DLG2: variants seen among roughly 807,000 people sequenced by gnomAD.
The protein encoded by DLG2 is disks large homolog 2.
In DLG2, 45 loss-of-function variants were observed where a neutral mutation model predicts 132.5. The observed-to-expected ratio is 0.34, with a 90% CI of 0.27 to 0.44. The LOEUF is 0.44. Ranked by LOEUF, DLG2 falls within the 20% of genes least tolerant of loss-of-function variation. The pLI is 1.00. For missense variants in DLG2, 1,045 were observed against 1,196.9 expected (o/e 0.87, Z 1.87); for synonymous variants, 424 against 419.6 (o/e 1.01, Z -0.13).
intron 19 of DLG2, among the ~76,000 whole-genome samples, chr11:83,630,112 T>C (rs1383211713): frequency 6.6e-6 from 1 of 152,104 alleles, no homozygotes; most frequent in Non-Finnish European, 1.5e-5. Flanking sequence ...AAAAAAAGTA[T>C]AACTAGATTA....
At chr11:83,778,546 T>C (rs1015799243) in intron 18 of DLG2, among the ~76,000 whole-genome samples, 7 of 152,124 alleles carry the variant, frequency 4.6e-5, no homozygotes, top group Admixed American at 3.3e-4. Context: ...AATCATACAA[T>C]GAGAGGAGGT....
intron 6 of DLG2, chr11:84,923,454 G>C (rs1220404494): frequency 1.1e-6 from 1 of 932,934 alleles, no homozygotes; most frequent in Non-Finnish European, 1.3e-6. Flanking sequence ...AAGGAGGGGG[G>C]AATGAGCTCA....
intron 11 of DLG2, among the ~76,000 whole-genome samples, chr11:83,982,842 T>C (rs1205304358): frequency 1.3e-5 from 2 of 152,278 alleles, no homozygotes; most frequent in East Asian, 1.9e-4. Flanking sequence ...TATTTTTTAC[T>C]GTACTTTTTC....
chr11:85,330,792 T>TAAAAAAAAAAAAAAAAAAATA (rs2081659670), intron 3 of DLG2, among the ~76,000 whole-genome samples: 1 of 116,492 alleles, frequency 8.6e-6, no homozygotes, highest in Non-Finnish European at 1.8e-5. Context: ...AAAAAAAAAT[T>TAAAAAAAAAAAAAAAAAAATA]AAAAAAAAAA....
intron 4 of DLG2, among the ~76,000 whole-genome samples, chr11:85,206,694 G>A (rs7109071): frequency 0.042 from 6,393 of 152,042 alleles, 180 homozygotes; most frequent in East Asian, 0.093. Context: ...TCTTCTGGGC[G>A]TGGTGGTAGG....
In DLG2 at chr11:84,537,645, A is replaced by G. The variant is rs546583141; in HGVS notation, c.358-2914T>C. ...TTCCCATAACTCCCTAGAGTCTCCA[A>G]TTACAACTCTTGTCATGCTATATGG... is the stretch of plus-strand genomic sequence containing the variant. On this transcript the variant is annotated intron_variant, in intron 6 of 27. Transcript: ENST00000376104. Among the ~76,000 whole-genome samples the G allele has an allele frequency of 7.2e-5, 11 of 152,264 alleles. 1 individual carries two copies. In the Middle Eastern group the frequency reaches 0.01, roughly 141 times the overall value.
intron 8 of DLG2, among the ~76,000 whole-genome samples, chr11:84,214,456 T>C (rs948535050): frequency 4.0e-5 from 6 of 151,722 alleles, no homozygotes; most frequent in African/African-American, 1.5e-4. Context: ...TAAACATATA[T>C]GTCTGAGTAT....
intron 8 of DLG2, among the ~76,000 whole-genome samples, chr11:84,185,498 A>G (rs1018831967): frequency 5.9e-5 from 9 of 152,248 alleles, no homozygotes; most frequent in African/African-American, 1.9e-4. Flanking sequence ...TTCTAGATAT[A>G]CAATCGTGTC....
intron 16 of DLG2, among the ~76,000 whole-genome samples, chr11:83,834,061 A>G (rs2055376997): frequency 6.6e-6 from 1 of 152,148 alleles, no homozygotes; most frequent in African/African-American, 2.4e-5. Flanking sequence ...CTCTTTTTGT[A>G]TCAAGCACCA....
intron 6 of DLG2, among the ~76,000 whole-genome samples, chr11:85,082,192 A>C (rs1325744001): frequency 1.3e-5 from 2 of 152,180 alleles, no homozygotes; most frequent in African/African-American, 4.8e-5. Context: ...CCTGCTCCCT[A>C]AACACATTAA....
intron 3 of DLG2, among the ~76,000 whole-genome samples, chr11:85,466,224 G>A (rs184523344): frequency 1.6e-4 from 24 of 152,248 alleles, no homozygotes; most frequent in Admixed American, 1.5e-3. Flanking sequence ...TTTGTCAGAC[G>A]AGTAAATTGC....
At chr11:83,707,458 TC>T (rs1214760513) in intron 18 of DLG2, among the ~76,000 whole-genome samples, 1 of 152,118 alleles carries the variant, frequency 6.6e-6, no homozygotes, top group East Asian at 1.9e-4. Flanking sequence ...TCACCTGAGG[TC>T]AGGAGTTCAA....
At chr11:84,364,824 T>C (rs1392914680) in intron 7 of DLG2, among the ~76,000 whole-genome samples, 3 of 152,128 alleles carry the variant, frequency 2.0e-5, no homozygotes, top group East Asian at 3.9e-4. Context: ...TATTGATTTG[T>C]GTATATTGAA....
chr11:83,556,263 T>C (rs1190116724), intron 19 of DLG2, among the ~76,000 whole-genome samples: 2 of 152,078 alleles, frequency 1.3e-5, no homozygotes, highest in African/African-American at 2.4e-5. Context: ...CAGCGAAACA[T>C]GCGTATGGAC....
intron 7 of DLG2, among the ~76,000 whole-genome samples, chr11:84,391,467 T>C (rs961406055): frequency 8.5e-5 from 13 of 152,166 alleles, no homozygotes; most frequent in African/African-American, 3.1e-4. Context: ...AACAAATGGT[T>C]TTGATATTTC....
intron 8 of DLG2, 40 bp from the exon 9 acceptor site, chr11:84,163,551 C>A (rs370334959): frequency 6.4e-5 from 98 of 1,527,610 alleles, no homozygotes; most frequent in Non-Finnish European, 6.8e-5. Flanking sequence ...CTATTAAATA[C>A]ATGTTGAGGA....
intron 19 of DLG2, among the ~76,000 whole-genome samples, chr11:83,597,358 G>A (rs902684456): frequency 2.6e-5 from 4 of 152,020 alleles, no homozygotes; most frequent in African/African-American, 9.7e-5. Flanking sequence ...TAAAAAGAAT[G>A]AGATAAAATT....
chr11:83,457,913 T>A lies in DLG2; in HGVS notation c.*1905A>T, dbSNP rs181424457. ...TCAGGACTATGGGAAGATGCATAAT[T>A]TTGCATTTCTGTTTTGTTTTGGTGA... On this transcript the variant is annotated 3_prime_UTR_variant, in exon 28 of 28. Coordinates refer to ENST00000376104, the MANE Select transcript of DLG2 (RefSeq NM_001142699.3). The A allele has an allele frequency of 6.6e-6, 1 of 152,614 alleles. No individual in the cohort carries two copies. 9.5% of individuals were successfully genotyped at this position (152,614 alleles called of 1,614,324 possible).
intron 3 of DLG2, among the ~76,000 whole-genome samples, chr11:85,315,759 C>T (rs959622738): frequency 4.6e-5 from 7 of 151,988 alleles, no homozygotes; most frequent in African/African-American, 1.7e-4. Flanking sequence ...CTCTAACGCT[C>T]AGTCCACACA....
Sources: gnomAD v4.1 joint callset for allele counts (sites outside exome capture counted in the v4.1 genomes callset) on GRCh38, gnomAD v4.1.1 for gene constraint, MANE v1.5 for transcripts, NCBI Gene and HGNC (gene_info 2026-07-23, HGNC 2026-07-21) for gene names.